The following CNTNAP2 variants were observed in gnomAD, a reference collection of about 807,000 sequenced individuals.
The protein encoded by CNTNAP2 is contactin associated protein 2, also known as contactin-associated protein-like 2.
CNTNAP2 carries 98 observed loss-of-function variants against 155.2 expected under a neutral mutation model. The ratio of observed to expected loss-of-function variants is 0.63; its 90% confidence interval spans 0.54 to 0.75. CNTNAP2 has a LOEUF of 0.75. CNTNAP2 is among the 30% of genes least tolerant of loss of function. CNTNAP2 has a pLI of 0.00. For missense variants in CNTNAP2, 1,727 were observed against 1,688.1 expected, an observed-to-expected ratio of 1.02 and a Z score of -0.40; for synonymous variants, 651 against 631.2, an observed-to-expected ratio of 1.03 and a Z score of -0.47.
intron 2 of CNTNAP2, among the ~76,000 whole-genome samples, chr7:146,776,920 T>G (rs1436791174): frequency 6.6e-6 from 1 of 152,166 alleles, no homozygotes; most frequent in Non-Finnish European, 1.5e-5. Context: ...TTGAGGAGTA[T>G]CTTTACTTTC....
At chr7:146,172,582 T>C (rs1404144557) in intron 1 of CNTNAP2, among the ~76,000 whole-genome samples, 1 of 152,132 alleles carries the variant, frequency 6.6e-6, no homozygotes, top group Non-Finnish European at 1.5e-5. Context: ...TATGATGTGA[T>C]TGAGGGGCAT....
rs569595585 is a variant in CNTNAP2, at chr7:146,172,117, C to T, written c.97+55144C>T. Among the ~76,000 whole-genome samples the T allele has an allele frequency of 1.3e-4, 14 of 110,920 alleles. No homozygotes were observed. The South Asian group carries it at 3.3e-3, about 26-fold the overall frequency. 72.8% of individuals were successfully genotyped at this position (110,920 alleles called of 152,430 possible). A position where few individuals can be genotyped will look rare whatever the true frequency, so the allele number is the denominator to read the frequency against. ...TTTCTTCTTTTTTTTGTTACCAGTTCGTGTTATTTCTTGGGTTTTCTTTTT... is the reference window on the plus strand; with the variant it reads ...TTTCTTCTTTTTTTTGTTACCAGTTTGTGTTATTTCTTGGGTTTTCTTTTT... On this transcript the variant is annotated intron_variant, in intron 1 of 23. Transcript: ENST00000361727.
At chr7:148,188,440 A>G (rs1414777613) in intron 18 of CNTNAP2, among the ~76,000 whole-genome samples, 2 of 152,340 alleles carry the variant, frequency 1.3e-5, no homozygotes, top group South Asian at 2.1e-4. Flanking sequence ...TTGAGGAGAT[A>G]GTTAAGATGA....
chr7:146,254,164 AG>A (rs770878742), intron 1 of CNTNAP2, among the ~76,000 whole-genome samples: 2,758 of 124,216 alleles, frequency 0.022, 32 homozygotes, highest in Middle Eastern at 0.051. Context: ...CACACACACA[AG>A]CAAACACACA....
intron 4 of CNTNAP2, among the ~76,000 whole-genome samples, chr7:147,074,779 T>G (rs2129266600): frequency 6.6e-6 from 1 of 152,296 alleles, no homozygotes; most frequent in East Asian, 1.9e-4. Context: ...TCTTATTTCA[T>G]TTTCAGTATG....
intron 10 of CNTNAP2, among the ~76,000 whole-genome samples, chr7:147,466,404 A>C (rs985113917): frequency 6.6e-6 from 1 of 152,080 alleles, no homozygotes; most frequent in African/African-American, 2.4e-5. Context: ...AATTAGAGTG[A>C]TGTTTTTAGG....
At chr7:146,170,409 G>C (rs866166455) in intron 1 of CNTNAP2, among the ~76,000 whole-genome samples, 1 of 151,912 alleles carries the variant, frequency 6.6e-6, no homozygotes, top group African/African-American at 2.4e-5. Flanking sequence ...AGGGCACAAG[G>C]GTTCCCTTTT....
intron 1 of CNTNAP2, among the ~76,000 whole-genome samples, chr7:146,347,484 C>G (rs1392664868): frequency 2.0e-5 from 3 of 152,122 alleles, no homozygotes; most frequent in African/African-American, 7.2e-5. Context: ...CTGGTCATAC[C>G]CTCCAAAATT....
chr7:147,901,174 A>G (rs1023205499), intron 13 of CNTNAP2, among the ~76,000 whole-genome samples: 1 of 152,020 alleles, frequency 6.6e-6, no homozygotes, highest in Non-Finnish European at 1.5e-5. Flanking sequence ...CTTCTCCTCC[A>G]TTTCTACTAC....
intron 21 of CNTNAP2, among the ~76,000 whole-genome samples, chr7:148,328,165 G>A (rs527950403): frequency 1.1e-4 from 17 of 152,120 alleles, no homozygotes; most frequent in Non-Finnish European, 1.8e-4. Context: ...GTCAGCCATC[G>A]TCACTTGTGC....
At chr7:147,871,753 C>T (rs1799331093) in intron 13 of CNTNAP2, among the ~76,000 whole-genome samples, 1 of 151,706 alleles carries the variant, frequency 6.6e-6, no homozygotes, top group African/African-American at 2.4e-5. Flanking sequence ...ATGCTATCCA[C>T]TCTTCTTCAC....
At chr7:148,339,861 A>C (rs995502944) in intron 21 of CNTNAP2, among the ~76,000 whole-genome samples, 6 of 152,064 alleles carry the variant, frequency 3.9e-5, no homozygotes, top group African/African-American at 1.4e-4. Flanking sequence ...TTTGGGGAGT[A>C]AATCACAGCG....
chr7:146,312,291 T>A (rs1800838051), intron 1 of CNTNAP2, among the ~76,000 whole-genome samples: 1 of 152,160 alleles, frequency 6.6e-6, no homozygotes, highest in South Asian at 2.1e-4. Flanking sequence ...TGAGAGTTAG[T>A]TGATGAGAGG....
intron 1 of CNTNAP2, among the ~76,000 whole-genome samples, chr7:146,372,467 T>C (rs1425756940): frequency 7.2e-6 from 1 of 138,402 alleles, no homozygotes; most frequent in Non-Finnish European, 1.7e-5. Context: ...TTTATTTGAT[T>C]ACCTATATTA....
intron 15 of CNTNAP2, among the ~76,000 whole-genome samples, chr7:148,041,959 T>C (rs1207311197): frequency 1.3e-5 from 2 of 152,224 alleles, no homozygotes; most frequent in Non-Finnish European, 2.9e-5. Flanking sequence ...TCCATCATTA[T>C]TCAGAAATGC....
chr7:147,247,908 A>G (rs1471634093), intron 8 of CNTNAP2, among the ~76,000 whole-genome samples: 1 of 152,218 alleles, frequency 6.6e-6, no homozygotes, highest in Non-Finnish European at 1.5e-5. Context: ...TTTTAGGTAT[A>G]TAGAAATTTT....
chr7:146,657,359 G>A (rs1028559523), intron 1 of CNTNAP2, among the ~76,000 whole-genome samples: 1 of 152,184 alleles, frequency 6.6e-6, no homozygotes, highest in Admixed American at 6.5e-5. Context: ...CTTATCATGT[G>A]AGTCAATCAA....
intron 8 of CNTNAP2, among the ~76,000 whole-genome samples, chr7:147,200,378 G>A (rs1343109556): frequency 7.2e-5 from 11 of 152,080 alleles, no homozygotes; most frequent in Admixed American, 2.6e-4. Flanking sequence ...CTTATTGCTC[G>A]TAGCAATAGT....
intron 22 of CNTNAP2, among the ~76,000 whole-genome samples, chr7:148,386,367 A>T (rs1799196084): frequency 6.6e-6 from 1 of 152,128 alleles, no homozygotes; most frequent in Admixed American, 6.5e-5. Flanking sequence ...GTCTCTACTA[A>T]AAATACAAAA....
Sources: allele counts gnomAD v4.1 joint callset (sites outside exome capture counted in the v4.1 genomes callset), GRCh38; gene constraint gnomAD v4.1.1; transcripts MANE v1.5; gene names NCBI Gene and HGNC (gene_info 2026-07-23, HGNC 2026-07-21).